DDHD2: variants seen among roughly 807,000 people sequenced by gnomAD.
DDHD2 encodes the protein triacylglycerol hydrolase DDHD2.
A neutral mutation model predicts 91.2 loss-of-function variants in DDHD2; 62 were observed. That is an observed-to-expected ratio of 0.68 (90% CI 0.55 to 0.84). DDHD2 has a LOEUF of 0.84. Ranked by LOEUF, DDHD2 falls within the 40% of genes least tolerant of loss-of-function variation. The pLI, the probability that DDHD2 is intolerant of heterozygous loss-of-function variation, is 0.00. For missense variants in DDHD2, 740 were observed against 846.9 expected (o/e 0.87, Z 1.57); for synonymous variants, 271 against 293.9 (o/e 0.92, Z 0.80).
chr8:38,263,604 G>C (rs1807205951), downstream of DDHD2: 1 of 985,270 alleles, frequency 1.0e-6, no homozygotes, highest in Non-Finnish European at 1.2e-6. Context: ...GCTGGACTCA[G>C]ATAAGATGCA....
chr8:38,269,121 C>T (rs1808278215), intron 1 of DDHD2: 1 of 1,524,516 alleles, frequency 6.6e-7, no homozygotes, highest in African/African-American at 1.4e-5. Flanking sequence ...GTGGATCTTT[C>T]TTACAGGAAG....
downstream of DDHD2, chr8:38,264,448 A>G: frequency 6.5e-7 from 1 of 1,546,480 alleles, no homozygotes. Context: ...CAATTTTTAA[A>G]TATCAAAACA....
chr8:38,251,877 C>T, intron 11 of DDHD2, 35 bp from the exon 12 acceptor site: 1 of 1,521,184 alleles, frequency 6.6e-7, no homozygotes, highest in East Asian at 2.3e-5. Flanking sequence ...GCCGTCATGC[C>T]CAGCTTCTCC....
At chr8:38,266,185 A>T (rs761573701), downstream of DDHD2, 1 of 1,613,914 alleles carries the variant, frequency 6.2e-7, no homozygotes, top group Non-Finnish European at 8.5e-7. Context: ...CAGTGCAATC[A>T]CAGCTGCAAA....
Position 38,268,210 on chromosome 8 carries a change from AAC to A in DDHD2, n.88-2911_88-2910del, listed in dbSNP as rs1808005899. On this transcript the variant is annotated intron_variant and non_coding_transcript_variant, in intron 1 of 1. Coordinates refer to the DDHD2 transcript ENST00000526071. Reference sequence around the variant, plus strand: ...GGGCTGCCTGCCGTGTAGCCTGCGTAACCAAGTCCCTGCAGTGCTATTTTCCT... The same window carrying A: ...GGGCTGCCTGCCGTGTAGCCTGCGTACAAGTCCCTGCAGTGCTATTTTCCT... The A allele has an allele frequency of 3.4e-5, 36 of 1,070,434 alleles. No homozygotes were observed. The South Asian group carries it at 5.4e-4, about 16-fold the overall frequency. 66.3% of individuals were successfully genotyped at this position (1,070,434 alleles called of 1,614,324 possible).
At chr8:38,265,026 T>TGG, downstream of DDHD2, 1 of 995,738 alleles carries the variant, frequency 1.0e-6, no homozygotes, top group Non-Finnish European at 1.6e-6. Flanking sequence ...CCCAGCACTT[T>TGG]GGGAGGACCA....
chr8:38,243,679 G>A (rs1479108508), intron 7 of DDHD2, among the ~76,000 whole-genome samples: 1 of 151,610 alleles, frequency 6.6e-6, no homozygotes, highest in Admixed American at 6.6e-5. Flanking sequence ...TTTGGTTGGA[G>A]TGCAGTGGTG....
intron 1 of DDHD2, chr8:38,268,693 A>G (rs1808134052): frequency 1.4e-6 from 2 of 1,432,774 alleles, no homozygotes; most frequent in South Asian, 1.5e-5. Flanking sequence ...TCTCAGCCCA[A>G]AGAGGCTCGG....
chr8:38,259,387 GT>G (rs1241069968), intron 16 of DDHD2, among the ~76,000 whole-genome samples: 293 of 132,852 alleles, frequency 2.2e-3, no homozygotes, highest in Middle Eastern at 3.8e-3. Flanking sequence ...CGCCTGGCTA[GT>G]TTTTTTTTTT....
At chr8:38,268,136 A>AG in intron 1 of DDHD2, 1 of 1,399,976 alleles carries the variant, frequency 7.1e-7, no homozygotes, top group Non-Finnish European at 9.4e-7. Context: ...CTTTTGTACT[A>AG]GGCCAAAGAC....
intron 14 of DDHD2, 23 bp downstream of exon 14, chr8:38,252,847 A>G (rs1011788360): frequency 7.3e-5 from 118 of 1,610,446 alleles, no homozygotes; most frequent in Non-Finnish European, 9.9e-5. Context: ...ATAGAACTTG[A>G]TAATTCTAGA....
At chr8:38,262,975 T>C (rs1214528910), downstream of DDHD2, 1 of 152,222 alleles carries the variant, frequency 6.6e-6, no homozygotes, top group Non-Finnish European at 1.5e-5. Context: ...ATGGCAATTA[T>C]AAGAGACTTT....
At chr8:38,242,161 A>T in intron 6 of DDHD2, 89 bp from the exon 7 acceptor site, 1 of 1,040,514 alleles carries the variant, frequency 9.6e-7, no homozygotes. Context: ...GTGCAAATGT[A>T]GTTAGAGTAT....
chr8:38,241,476 A>G (rs112011798), intron 6 of DDHD2, among the ~76,000 whole-genome samples: 4,562 of 150,960 alleles, frequency 0.03, 232 homozygotes, highest in African/African-American at 0.11. Flanking sequence ...GCTGGAGTGT[A>G]GTGGTGTAAA....
chr8:38,241,772 G>A (rs549450431), intron 6 of DDHD2, among the ~76,000 whole-genome samples: 33 of 150,688 alleles, frequency 2.2e-4, no homozygotes, highest in Non-Finnish European at 4.1e-4. Context: ...CAAGTTGTTA[G>A]GCCAGGCACG....
At chr8:38,235,984 T>C (rs1030805428) in intron 3 of DDHD2, among the ~76,000 whole-genome samples, 2 of 152,098 alleles carry the variant, frequency 1.3e-5, no homozygotes, top group African/African-American at 2.4e-5. Flanking sequence ...AAAACTGAAA[T>C]TTTTCTTTAA....
intron 16 of DDHD2, among the ~76,000 whole-genome samples, chr8:38,255,753 C>T (rs1014257929): frequency 3.3e-5 from 5 of 151,806 alleles, no homozygotes; most frequent in African/African-American, 1.2e-4. Flanking sequence ...TTATTTAAGC[C>T]GTCCTCTACT....
chr8:38,236,328 T>G (rs1233159711), intron 3 of DDHD2, among the ~76,000 whole-genome samples: 1 of 139,304 alleles, frequency 7.2e-6, no homozygotes, highest in Non-Finnish European at 1.6e-5. Context: ...TTGTTTTTGG[T>G]TTTTTTTTTT....
chr8:38,238,936 T>G lies in DDHD2; in HGVS notation c.622+727T>G, dbSNP rs1266901209. The G allele has an allele frequency of 2.0e-5, 3 of 151,110 alleles. No homozygotes were observed. The Admixed American group carries it at 2.0e-4, about 10-fold the overall frequency. 9.4% of individuals were successfully genotyped at this position (151,110 alleles called of 1,614,324 possible). A position where few individuals can be genotyped will look rare whatever the true frequency, so the allele number is the denominator to read the frequency against. ...TTCTAATGATTCAGAAAAATAAATG[T>G]GTGTGTGTGTGTGTGTACACACACA... On this transcript the variant is annotated intron_variant, in intron 5 of 17. Transcript: ENST00000397166.
Sources: gnomAD v4.1 joint callset for allele counts (sites outside exome capture counted in the v4.1 genomes callset) on GRCh38, gnomAD v4.1.1 for gene constraint, MANE v1.5 for transcripts, NCBI Gene and HGNC (gene_info 2026-07-23, HGNC 2026-07-21) for gene names.